The following ESRRG variants were observed in gnomAD, a reference collection of about 807,000 sequenced individuals.
ESRRG encodes the protein estrogen related receptor gamma.
Under a neutral mutation model 44.0 loss-of-function variants are expected in ESRRG, and 13 were observed. The observed-to-expected ratio is 0.30, with a 90% CI of 0.19 to 0.47. The LOEUF is 0.47. Ranked by LOEUF, ESRRG falls within the 20% of genes least tolerant of loss-of-function variation. The probability of loss-of-function intolerance (pLI) is 1.00; values close to 1 mark genes in which losing one functional copy is unlikely to be tolerated. For synonymous variants in ESRRG, 215 were observed against 214.6 expected (o/e 1.00, Z -0.02); for missense variants, 395 against 580.6 (o/e 0.68, Z 3.29).
intron 1 of ESRRG, among the ~76,000 whole-genome samples, chr1:217,036,841 G>GAA (rs11387798): frequency 0.14 from 21,301 of 148,936 alleles, 1,898 homozygotes; most frequent in East Asian, 0.2. Context: ...AGAAAGAAAA[G>GAA]AAAAAAAAAA....
intron 2 of ESRRG, among the ~76,000 whole-genome samples, chr1:216,916,507 G>T (rs1010956518): frequency 6.6e-6 from 1 of 152,198 alleles, no homozygotes; most frequent in Non-Finnish European, 1.5e-5. Context: ...CCAGGAAGAG[G>T]ATGAGGAATG....
chr1:216,558,878 GT>G (rs995962513), intron 5 of ESRRG, among the ~76,000 whole-genome samples: 1 of 150,498 alleles, frequency 6.6e-6, no homozygotes, highest in Non-Finnish European at 1.5e-5. Context: ...TTGTTTTTTT[GT>G]TTTTTTTGCG....
chr1:216,994,875 G>A (rs974177606), intron 1 of ESRRG, among the ~76,000 whole-genome samples: 4 of 152,060 alleles, frequency 2.6e-5, no homozygotes, highest in Non-Finnish European at 4.4e-5. Flanking sequence ...GTGAGCCACC[G>A]TGCCCGGCCC....
chr1:216,946,116 A>T (rs1205718182), intron 1 of ESRRG, among the ~76,000 whole-genome samples: 1 of 152,242 alleles, frequency 6.6e-6, no homozygotes, highest in Non-Finnish European at 1.5e-5. Flanking sequence ...CTTTCCAAAA[A>T]TAGCAATTGA....
intron 1 of ESRRG, among the ~76,000 whole-genome samples, chr1:217,017,774 A>T (rs981475260): frequency 1.3e-5 from 2 of 152,188 alleles, no homozygotes; most frequent in African/African-American, 2.4e-5. Flanking sequence ...GTTATGCTAT[A>T]TAAATGTTAG....
chr1:217,030,342 C>G (rs995568057), intron 1 of ESRRG, among the ~76,000 whole-genome samples: 7 of 152,164 alleles, frequency 4.6e-5, no homozygotes, highest in Non-Finnish European at 8.8e-5. Context: ...ATGGGATAAA[C>G]AGACCACCAT....
rs1355055901 is a variant in ESRRG, at chr1:217,077,656, G to A, written c.-106+11851C>T. 2.6e-5 allele frequency among the ~76,000 whole-genome samples: 4 copies of A among 152,156 alleles called. No individual in the cohort carries two copies. The South Asian group carries it at 8.3e-4, about 31-fold the overall frequency. ...AACACCAAACAGACAGCACTGGGTA[G>A]GATTCAATTAAGACAAAACCTCAGT... On this transcript the variant is annotated intron_variant, in intron 1 of 7. Transcript: ENST00000359162.
intron 1 of ESRRG, 94 bp from the exon 2 acceptor site, chr1:216,677,585 T>G: frequency 1.9e-6 from 2 of 1,080,294 alleles, no homozygotes; most frequent in Non-Finnish European, 2.6e-6. Flanking sequence ...TGGTGAAAAA[T>G]AGAGAAAGGG....
At chr1:216,717,541 A>C (rs1208352612) in intron 1 of ESRRG, among the ~76,000 whole-genome samples, 1 of 151,876 alleles carries the variant, frequency 6.6e-6, no homozygotes, top group Non-Finnish European at 1.5e-5. Flanking sequence ...ACACAATAGC[A>C]GTAAATTTGT....
At chr1:216,926,394 A>G (rs1295691373) in intron 2 of ESRRG, among the ~76,000 whole-genome samples, 1 of 149,952 alleles carries the variant, frequency 6.7e-6, no homozygotes, top group Non-Finnish European at 1.5e-5. Context: ...CCATCCCAGG[A>G]AAACTGATAA....
chr1:216,879,385 A>T (rs777316979), intron 2 of ESRRG, among the ~76,000 whole-genome samples: 2 of 151,656 alleles, frequency 1.3e-5, no homozygotes, highest in Non-Finnish European at 2.9e-5. Context: ...TATTATCCCC[A>T]GAAGATGGTT....
intron 5 of ESRRG, among the ~76,000 whole-genome samples, chr1:216,556,179 T>C (rs1026508606): frequency 6.6e-6 from 1 of 151,680 alleles, no homozygotes; most frequent in African/African-American, 2.4e-5. Flanking sequence ...TAAGAATAAC[T>C]AAAAAGTCAG....
intron 2 of ESRRG, among the ~76,000 whole-genome samples, chr1:216,881,969 G>GTTT (rs34444855): frequency 1.4e-5 from 2 of 146,096 alleles, no homozygotes; most frequent in African/African-American, 2.5e-5. Flanking sequence ...TATGCACTGG[G>GTTT]TTTTTTTTTT....
chr1:216,957,150 G>T (rs547440357), intron 1 of ESRRG, among the ~76,000 whole-genome samples: 1 of 152,082 alleles, frequency 6.6e-6, no homozygotes, highest in Non-Finnish European at 1.5e-5. Flanking sequence ...CTCACTGGTT[G>T]CTTCTTTTAT....
intron 1 of ESRRG, among the ~76,000 whole-genome samples, chr1:217,022,358 C>A (rs528839350): frequency 6.6e-6 from 1 of 152,306 alleles, no homozygotes; most frequent in South Asian, 2.1e-4. Flanking sequence ...TCCAGACCCA[C>A]ATCAATTACC....
intron 3 of ESRRG, among the ~76,000 whole-genome samples, chr1:216,577,772 T>A (rs1327253027): frequency 2.0e-5 from 3 of 151,904 alleles, no homozygotes; most frequent in Non-Finnish European, 4.4e-5. Flanking sequence ...AAATATAGAT[T>A]TTTTTAAAAA....
At chr1:216,562,399 T>C (rs2058928137) in intron 5 of ESRRG, among the ~76,000 whole-genome samples, 1 of 152,198 alleles carries the variant, frequency 6.6e-6, no homozygotes, top group African/African-American at 2.4e-5. Context: ...AAGTGTTTTT[T>C]ACCTCTCTCT....
chr1:216,662,431 T>C (rs1343674707), intron 2 of ESRRG, among the ~76,000 whole-genome samples: 2 of 152,106 alleles, frequency 1.3e-5, no homozygotes, highest in African/African-American at 4.8e-5. Flanking sequence ...CAGATAGCAC[T>C]GCTGGCTGGA....
chr1:216,666,294 C>T (rs1308889568), intron 2 of ESRRG, among the ~76,000 whole-genome samples: 2 of 152,186 alleles, frequency 1.3e-5, no homozygotes, highest in South Asian at 2.1e-4. Flanking sequence ...TTCTAATATA[C>T]CCTATCTGGC....
Sources: allele counts gnomAD v4.1 joint callset (sites outside exome capture counted in the v4.1 genomes callset), GRCh38; gene constraint gnomAD v4.1.1; transcripts MANE v1.5; gene names NCBI Gene and HGNC (gene_info 2026-07-23, HGNC 2026-07-21).